The following SANBR variants were observed in gnomAD, a reference collection of about 807,000 sequenced individuals.
SANBR encodes SANT and BTB domain regulator of class switch recombination.
SANBR carries 77 observed loss-of-function variants against 101.8 expected under a neutral mutation model. The ratio of observed to expected loss-of-function variants is 0.76; its 90% CI spans 0.63 to 0.91. The LOEUF (loss-of-function observed/expected upper bound fraction) is 0.91. Ranked by LOEUF, SANBR falls within the 40% of genes least tolerant of loss-of-function variation. SANBR has a pLI of 0.00. For missense variants in SANBR, 875 were observed against 853.0 expected (o/e 1.03, Z -0.32); for synonymous variants, 279 against 274.7 (o/e 1.02, Z -0.15).
intron 10 of SANBR, 148 bp from the exon 11 acceptor site, chr2:61,092,316 G>A: frequency 2.3e-6 from 1 of 428,994 alleles, no homozygotes. Context: ...TCCTGGAGGT[G>A]GTGGTTACAG....
At chr2:61,095,886 T>G (rs1683006741) in intron 11 of SANBR, among the ~76,000 whole-genome samples, 1 of 152,124 alleles carries the variant, frequency 6.6e-6, no homozygotes, top group South Asian at 2.1e-4. Context: ...TCTGGTCCTT[T>G]CCCCAACAGC....
rs190466918 is a variant in SANBR, at chr2:61,130,037, T to C, written c.2029-4100T>C. ...ATATCTCTTTGGAATTTATTATAAA[T>C]GTGAAGCAGACTCTGATGTTAAGAT... On this transcript the variant is annotated intron_variant, in intron 20 of 21. Transcript: ENST00000295031. 2.5e-3 allele frequency among the ~76,000 whole-genome samples: 376 copies of C among 152,218 alleles called. 4 individuals are homozygous for C. Among genetic ancestry groups the C allele is most frequent in the South Asian group, 9.9e-3 (48 of 4,832 alleles).
intron 13 of SANBR, among the ~76,000 whole-genome samples, chr2:61,104,994 T>A (rs1330444107): frequency 1.3e-5 from 2 of 151,322 alleles, no homozygotes; most frequent in Non-Finnish European, 2.9e-5. Flanking sequence ...TCCATGAGTT[T>A]GAACTCCTCG....
rs1306030419 is a variant in SANBR, at chr2:61,094,016, A to C, written c.1212+1429A>C. 1.1e-5 allele frequency: 9 copies of C among 852,482 alleles called. No homozygotes were observed. In the African/African-American group the frequency reaches 1.5e-4, roughly 14 times the overall value. 52.8% of individuals were successfully genotyped at this position (852,482 alleles called of 1,614,324 possible). ...CTCTCCCCAGTAATTTTCCTCTGTC[A>C]CTTGCGTAATGATTTTCAATAGAGG... On this transcript the variant is annotated intron_variant, in intron 11 of 21. Transcript: ENST00000402291.
At chr2:61,127,552 C>T (rs185348961), downstream of SANBR, among the ~76,000 whole-genome samples, 84 of 152,212 alleles carry the variant, frequency 5.5e-4, 2 homozygotes, top group East Asian at 0.015. Flanking sequence ...ACCACTGCAG[C>T]GTTTTATGGG....
chr2:61,123,703 A>G lies in SANBR; in HGVS notation c.*1541A>G. 1 of 984,834 alleles carries G rather than the reference A, an allele frequency of 1.0e-6. No individual in the cohort carries two copies. Among genetic ancestry groups the G allele is most frequent in the Non-Finnish European group, 1.2e-6 (1 of 829,216 alleles). 61.0% of individuals were successfully genotyped at this position (984,834 alleles called of 1,614,324 possible). A position where few individuals can be genotyped will look rare whatever the true frequency, so the allele number is the denominator to read the frequency against. On this transcript the variant is annotated 3_prime_UTR_variant, in exon 22 of 22. Transcript: ENST00000402291. ...AATATATATGCTCTTTTGATTTTTAACTGATGGTAAAAAGGCAAACTGCTT... is the reference window on the plus strand; with the variant it reads ...AATATATATGCTCTTTTGATTTTTAGCTGATGGTAAAAAGGCAAACTGCTT...
At chr2:61,090,718 TTGTGTG>T (rs58195165) in intron 10 of SANBR, 13 of 143,242 alleles carry the variant, frequency 9.1e-5, no homozygotes, top group Non-Finnish European at 1.4e-4. Context: ...GGCACAGGGT[TTGTGTG>T]TGTGTGTGTG....
At chr2:61,091,962 TG>T (rs958133627) in intron 10 of SANBR, among the ~76,000 whole-genome samples, 54 of 152,302 alleles carry the variant, frequency 3.5e-4, no homozygotes, top group African/African-American at 1.1e-3. Flanking sequence ...AATACATTAA[TG>T]AAATGTTATT....
At chr2:61,095,563 A>G (rs1377502691) in intron 11 of SANBR, among the ~76,000 whole-genome samples, 1 of 152,200 alleles carries the variant, frequency 6.6e-6, no homozygotes, top group Non-Finnish European at 1.5e-5. Flanking sequence ...GAAAAAAAAG[A>G]TCAGTGCTTA....
chr2:61,081,866 C>T (rs1682151556), intron 7 of SANBR, among the ~76,000 whole-genome samples: 1 of 152,118 alleles, frequency 6.6e-6, no homozygotes, highest in Non-Finnish European at 1.5e-5. Flanking sequence ...CTAGGCTGGT[C>T]TCGAACTCCT....
At chr2:61,113,947 A>G (rs185805133) in intron 16 of SANBR, among the ~76,000 whole-genome samples, 1 of 152,328 alleles carries the variant, frequency 6.6e-6, no homozygotes, top group Non-Finnish European at 1.5e-5. Flanking sequence ...TTTATAGCGA[A>G]TAGGTGTTGC....
intron 11 of SANBR, among the ~76,000 whole-genome samples, chr2:61,096,233 A>G (rs1184408907): frequency 2.0e-5 from 3 of 152,070 alleles, no homozygotes; most frequent in African/African-American, 7.2e-5. Context: ...TCACCCACCA[A>G]TGGTGCCCCC....
chr2:61,097,928 C>G (rs922818898), intron 12 of SANBR, 76 bp downstream of exon 12: 36 of 1,178,290 alleles, frequency 3.1e-5, no homozygotes, highest in African/African-American at 2.6e-4. Flanking sequence ...TAAAAGACTT[C>G]AAACAATACA....
At chr2:61,084,429 A>T (rs1023633884) in intron 8 of SANBR, among the ~76,000 whole-genome samples, 1 of 152,074 alleles carries the variant, frequency 6.6e-6, no homozygotes, top group African/African-American at 2.4e-5. Context: ...AAAAATTATG[A>T]AGATATTACT....
intron 8 of SANBR, 28 bp downstream of exon 8, chr2:61,083,342 T>A: frequency 7.9e-7 from 1 of 1,261,182 alleles, no homozygotes; most frequent in Non-Finnish European, 1.1e-6. Context: ...ATTTTAAACC[T>A]AATACTCCTG....
intron 8 of SANBR, among the ~76,000 whole-genome samples, chr2:61,087,893 T>C (rs1682527161): frequency 6.6e-6 from 1 of 151,660 alleles, no homozygotes; most frequent in Non-Finnish European, 1.5e-5. Context: ...TAAAAATGAC[T>C]GAAAGATAGC....
At chr2:61,106,007 A>C (rs762304288) in intron 13 of SANBR, among the ~76,000 whole-genome samples, 17 of 152,156 alleles carry the variant, frequency 1.1e-4, no homozygotes, top group Non-Finnish European at 1.8e-4. Context: ...ATAGCAGCCC[A>C]TTCCACCACC....
intron 1 of SANBR, 139 bp from the exon 2 acceptor site, chr2:61,068,710 G>C (rs1430817068): frequency 6.6e-6 from 1 of 152,286 alleles, no homozygotes; most frequent in African/African-American, 2.4e-5. Flanking sequence ...TAATCTTTTT[G>C]AATCTGTTTA....
intron 20 of SANBR, among the ~76,000 whole-genome samples, 182 bp from the exon 21 acceptor site, chr2:61,121,003 G>T (rs577850941): frequency 1.5e-4 from 23 of 152,018 alleles, no homozygotes; most frequent in African/African-American, 5.1e-4. Flanking sequence ...GTATGCATTT[G>T]TCAAAACCCA....
Sources: allele counts gnomAD v4.1 joint callset (sites outside exome capture counted in the v4.1 genomes callset), GRCh38; gene constraint gnomAD v4.1.1; transcripts MANE v1.5; gene names NCBI Gene and HGNC (gene_info 2026-07-23, HGNC 2026-07-21).